HERC1: variants seen among roughly 807,000 people sequenced by gnomAD.
The protein encoded by HERC1 is probable E3 ubiquitin-protein ligase HERC1.
In HERC1, 160 loss-of-function variants were observed where a neutral mutation model predicts 554.3. That is an observed-to-expected ratio of 0.29 (90% CI 0.25 to 0.33). The LOEUF (loss-of-function observed/expected upper bound fraction) is 0.33, where lower values mean the gene tolerates loss of function less well. HERC1 is among the 10% of genes least tolerant of loss of function. The pLI, the probability that HERC1 is intolerant of heterozygous loss-of-function variation, is 1.00. For synonymous variants in HERC1, 2,175 were observed against 2,131.7 expected (o/e 1.02, Z -0.56); for missense variants, 4,919 against 5,918.5 (o/e 0.83, Z 5.54).
At chr15:63,806,113 T>C (rs2077130396) in intron 1 of HERC1, among the ~76,000 whole-genome samples, 1 of 152,004 alleles carries the variant, frequency 6.6e-6, no homozygotes, top group Admixed American at 6.5e-5. Context: ...TCATCATCAC[T>C]ACAGATACCT....
At chr15:63,638,580 TCAAA>T in intron 62 of HERC1, 44 bp from the exon 63 acceptor site, 2 of 1,613,252 alleles carry the variant, frequency 1.2e-6, no homozygotes, top group Non-Finnish European at 1.7e-6. Context: ...ATCCATTCAC[TCAAA>T]CAGCCATGTA....
chr15:63,643,422 C>T lies in HERC1; in HGVS notation c.11313G>A (p.Met3771Ile). Reference sequence around the variant, plus strand: ...CTCTTACCCTTAAAGACCAAATGTTCATGAGCCCACCTAGTCCACCAGACA... The same window carrying T: ...CTCTTACCCTTAAAGACCAAATGTTTATGAGCCCACCTAGTCCACCAGACA... Reference protein sequence around the residue: ...ALVSGGLGGLMNIWSLRDGSV... With the variant: ...ALVSGGLGGLINIWSLRDGSV... The change falls in exon 58 of 78, where the codon ATG becomes ATA. Residue 3771 changes from methionine to isoleucine, a missense_variant. Coordinates refer to ENST00000443617, the MANE Select transcript of HERC1 (RefSeq NM_003922.4). 2 of 1,613,244 alleles carry T rather than the reference C, an allele frequency of 1.2e-6. No homozygotes were observed. The highest frequency in any genetic ancestry group is 1.7e-6 in the Non-Finnish European group (2 of 1,179,552).
chr15:63,718,467 G>A lies in HERC1; in HGVS notation c.3978+107C>T. 9.9e-7 allele frequency: 1 copy of A among 1,006,410 alleles called. No individual in the cohort carries two copies. The highest frequency in any genetic ancestry group is 1.4e-6 in the Non-Finnish European group (1 of 707,770). The allele number at this position is 1,006,410 out of a possible 1,614,324, so 62.3% of individuals were successfully genotyped here. A position where few individuals can be genotyped will look rare whatever the true frequency, so the allele number is the denominator to read the frequency against. On this transcript the variant is annotated intron_variant, in intron 21 of 77. Coordinates refer to ENST00000443617, the MANE Select transcript of HERC1 (RefSeq NM_003922.4). The surrounding 1 kb of genome is among the most constrained non-coding windows in gnomAD (Gnocchi z 4.2). ...GGAAAAGAACTACTCAACATGTATT[G>A]AACATATGCAATAACCAAGGCACAT...
intron 1 of HERC1, among the ~76,000 whole-genome samples, chr15:63,789,401 T>C (rs1256977815): frequency 6.6e-6 from 1 of 152,012 alleles, no homozygotes; most frequent in Non-Finnish European, 1.5e-5. Context: ...AAAGGTTTTT[T>C]TAAATGATTT....
intron 2 of HERC1, among the ~76,000 whole-genome samples, chr15:63,769,212 G>A (rs1056382193): frequency 2.6e-5 from 4 of 152,166 alleles, no homozygotes; most frequent in African/African-American, 7.2e-5. Flanking sequence ...GAGGTCAGGA[G>A]TTCAAAACCA....
intron 8 of HERC1, among the ~76,000 whole-genome samples, chr15:63,750,350 C>T (rs1418991165): frequency 6.6e-6 from 1 of 151,906 alleles, no homozygotes; most frequent in African/African-American, 2.4e-5. Context: ...TAATGAATAC[C>T]AAAAGAATCA....
At chr15:63,656,510 G>A (rs1038103489) in intron 48 of HERC1, among the ~76,000 whole-genome samples, 152 bp from the exon 49 acceptor site, 21 of 152,208 alleles carry the variant, frequency 1.4e-4, no homozygotes, top group Admixed American at 1.1e-3. Flanking sequence ...AGTTGCCAAA[G>A]GTATCAAGCT....
At chr15:63,759,435 G>A (rs968216286) in intron 3 of HERC1, among the ~76,000 whole-genome samples, 1 of 152,162 alleles carries the variant, frequency 6.6e-6, no homozygotes, top group Non-Finnish European at 1.5e-5. Context: ...ACCCAGAGTG[G>A]CCATCCCAGT....
At chr15:63,811,094 T>C (rs752041399) in intron 1 of HERC1, among the ~76,000 whole-genome samples, 1 of 152,124 alleles carries the variant, frequency 6.6e-6, no homozygotes, top group Admixed American at 6.6e-5. Context: ...TATATGAATG[T>C]GATTGGATCC....
chr15:63,680,069 T>G lies in HERC1; in HGVS notation c.6549+8A>C. The G allele has an allele frequency of 6.4e-7, 1 of 1,574,352 alleles. No homozygotes were observed. The highest frequency in any genetic ancestry group is 8.7e-7 in the Non-Finnish European group (1 of 1,146,532). ...ATATTCTTAAATAAAGGTTTGAGAC[T>G]TCATTACCTTTTCCCCTGGATTGCT... On this transcript the variant is annotated splice_region_variant and intron_variant, in intron 36 of 77. Coordinates refer to ENST00000443617, the MANE Select transcript of HERC1 (RefSeq NM_003922.4). This position sits in a 1 kb window ranked among gnomAD's most constrained non-coding sequence, Gnocchi z 5.8.
intron 4 of HERC1, among the ~76,000 whole-genome samples, chr15:63,757,409 C>T (rs1025766689): frequency 6.6e-5 from 10 of 151,616 alleles, no homozygotes; most frequent in Admixed American, 1.3e-4. Flanking sequence ...ATTATAGGCA[C>T]GCGCCATCAT....
At chr15:63,619,403 T>C (rs1401271499) in intron 74 of HERC1, among the ~76,000 whole-genome samples, 1 of 152,182 alleles carries the variant, frequency 6.6e-6, no homozygotes, top group Non-Finnish European at 1.5e-5. Context: ...TTTGCCAGTA[T>C]TTTATTGAGG....
At chr15:63,772,393 A>G (rs1022719624) in intron 2 of HERC1, among the ~76,000 whole-genome samples, 10 of 152,010 alleles carry the variant, frequency 6.6e-5, no homozygotes, top group African/African-American at 2.2e-4. Context: ...GCAATGATTA[A>G]TATCTTTTTT....
chr15:63,746,971 G>T lies in HERC1; in HGVS notation c.2467C>A (p.Arg823=). ...SILGRQAGPL[R]NLLFRLMDST... Reference sequence around the variant, plus strand: ...TCCATCAGTCTGAAGAGCAAATTTCGAAGTGGACCTGCCTGCCTCCCGAGA... The same window carrying T: ...TCCATCAGTCTGAAGAGCAAATTTCTAAGTGGACCTGCCTGCCTCCCGAGA... Residue 823 remains arginine (R), a synonymous_variant, in exon 12 of 78, where the codon CGA becomes AGA. Coordinates refer to ENST00000443617, the MANE Select transcript of HERC1 (RefSeq NM_003922.4). 2 of 1,557,412 alleles carry T rather than the reference G, an allele frequency of 1.3e-6. No individual in the cohort carries two copies. Among genetic ancestry groups the T allele is most frequent in the Non-Finnish European group, 1.7e-6 (2 of 1,150,522 alleles).
intron 74 of HERC1, among the ~76,000 whole-genome samples, 183 bp downstream of exon 74, chr15:63,622,632 C>T (rs1362960340): frequency 3.3e-5 from 5 of 152,176 alleles, no homozygotes; most frequent in African/African-American, 1.2e-4. Flanking sequence ...CATGCCTGGC[C>T]TGTTTCCTCA....
intron 32 of HERC1, among the ~76,000 whole-genome samples, chr15:63,690,131 C>T (rs2153036657): frequency 6.9e-6 from 1 of 145,782 alleles, no homozygotes; most frequent in East Asian, 2.0e-4. Context: ...CCACTGCACT[C>T]ACTCCAGGCT....
In HERC1 at chr15:63,664,514, C is replaced by T; in HGVS notation, c.8636G>A (p.Arg2879Lys). The change falls in exon 43 of 78, where the codon AGA (arginine) becomes AAA (lysine). Residue 2879 changes from arginine (R) to lysine (K), a missense_variant. Arg to Lys is a conservative substitution (Grantham distance 26). Transcript: ENST00000443617. The stretch of plus-strand genomic sequence containing the variant: ...GCGAGCAGCTAAGTCAAACTTGTGT[C>T]TTCTTGTTACCGCTGAGCGACCTCT... ...SARGRSAVTRRHKFDLAARTL... is the reference protein window; with the variant it reads ...SARGRSAVTRKHKFDLAARTL... 1 of 1,613,742 alleles carries T rather than the reference C, an allele frequency of 6.2e-7. No homozygotes were observed. The highest frequency in any genetic ancestry group is 8.5e-7 in the Non-Finnish European group (1 of 1,179,744).
At chr15:63,666,797 G>T (rs544461466) in intron 40 of HERC1, among the ~76,000 whole-genome samples, 1 of 152,222 alleles carries the variant, frequency 6.6e-6, no homozygotes, top group South Asian at 2.1e-4. Flanking sequence ...TACTTTTGTA[G>T]TCATTTGTGA....
chr15:63,630,934 G>A (rs997331189), intron 68 of HERC1, among the ~76,000 whole-genome samples: 1 of 152,184 alleles, frequency 6.6e-6, no homozygotes, highest in Admixed American at 6.5e-5. Flanking sequence ...CCACATCTTT[G>A]AAAGGATAGG....
Sources: gnomAD v4.1 joint callset for allele counts (sites outside exome capture counted in the v4.1 genomes callset) on GRCh38, gnomAD v4.1.1 for gene constraint, Gnocchi (gnomAD v3.1) non-coding constraint, MANE v1.5 for transcripts, NCBI Gene and HGNC (gene_info 2026-07-23, HGNC 2026-07-21) for gene names.